Variants in KCNH1 observed in about 807,000 individuals in gnomAD.
KCNH1 encodes potassium voltage-gated channel subfamily H member 1.
A neutral mutation model predicts 69.2 loss-of-function variants in KCNH1; 27 were observed. The ratio of observed to expected loss-of-function variants is 0.39; its 90% CI spans 0.29 to 0.54. The LOEUF (loss-of-function observed/expected upper bound fraction) is 0.54, where lower values mean the gene tolerates loss of function less well. KCNH1 is among the 20% of genes least tolerant of loss of function. The pLI, the probability that KCNH1 is intolerant of heterozygous loss-of-function variation, is 0.68. For missense variants in KCNH1, 798 were observed against 1,261.6 expected (o/e 0.63, Z 5.57); for synonymous variants, 456 against 487.7 (o/e 0.93, Z 0.86).
chr1:210,726,661 G>A (rs1002082781), intron 10 of KCNH1, among the ~76,000 whole-genome samples: 1 of 152,198 alleles, frequency 6.6e-6, no homozygotes, highest in Non-Finnish European at 1.5e-5. Context: ...CTCAGATGCA[G>A]GATCAGGTAA....
At position 210,679,217 on chromosome 1, in the gene KCNH1, A is replaced by T. The variant is rs1681207365; in HGVS notation, c.*4064T>A. 6.6e-6 allele frequency: 1 copy of T among 152,168 alleles called. No individual in the cohort carries two copies. The highest frequency in any genetic ancestry group is 1.5e-5 in the Non-Finnish European group (1 of 68,036). 9.4% of individuals were successfully genotyped at this position (152,168 alleles called of 1,614,324 possible). ...AAGCGAGTGAGAAGGCAGTATATAG[A>T]GCAATAACAATGATTTAGCAACAGA... is the stretch of plus-strand genomic sequence containing the variant. On this transcript the variant is annotated 3_prime_UTR_variant, in exon 11 of 11. Transcript: ENST00000271751.
intron 6 of KCNH1, among the ~76,000 whole-genome samples, chr1:211,004,089 C>G (rs1043328496): frequency 4.6e-5 from 7 of 151,814 alleles, no homozygotes; most frequent in Admixed American, 4.6e-4. Context: ...GAGACTCTGT[C>G]TCAAAAAAGA....
intron 7 of KCNH1, among the ~76,000 whole-genome samples, chr1:210,805,642 T>C (rs888355067): frequency 6.6e-6 from 1 of 152,196 alleles, no homozygotes; most frequent in African/African-American, 2.4e-5. Context: ...AAGTACAAAA[T>C]TCAATGGTCT....
At chr1:210,861,664 T>A in intron 7 of KCNH1, 1 of 772,396 alleles carries the variant, frequency 1.3e-6, no homozygotes, top group East Asian at 2.4e-5. Flanking sequence ...CTGAACAAGA[T>A]CATAGAAGAT....
chr1:210,788,307 TAC>T (rs1684140258), intron 9 of KCNH1, among the ~76,000 whole-genome samples: 1 of 152,232 alleles, frequency 6.6e-6, no homozygotes, highest in Non-Finnish European at 1.5e-5. Context: ...TAGTTAAGGT[TAC>T]TCTATATATA....
At chr1:210,840,287 C>CA (rs959610945) in intron 7 of KCNH1, among the ~76,000 whole-genome samples, 7 of 150,476 alleles carry the variant, frequency 4.7e-5, no homozygotes, top group East Asian at 1.9e-4. Flanking sequence ...CAAAACAAAA[C>CA]AAAAAAATAA....
intron 7 of KCNH1, among the ~76,000 whole-genome samples, chr1:210,894,502 A>G (rs986321460): frequency 5.9e-5 from 9 of 152,104 alleles, no homozygotes; most frequent in African/African-American, 1.4e-4. Context: ...TTAGTTATCT[A>G]TTGAAGGCTT....
At chr1:210,694,784 A>G (rs145566853) in intron 10 of KCNH1, among the ~76,000 whole-genome samples, 33 of 152,258 alleles carry the variant, frequency 2.2e-4, no homozygotes, top group African/African-American at 7.5e-4. Flanking sequence ...CCAAAACTTC[A>G]TTACACAAGG....
chr1:210,859,355 C>T (rs1685924440), intron 7 of KCNH1: 1 of 1,517,054 alleles, frequency 6.6e-7, no homozygotes, highest in Non-Finnish European at 9.2e-7. Flanking sequence ...TGAGTCAGAC[C>T]CTGATCCCAC....
chr1:210,727,299 T>C (rs1177144196), intron 10 of KCNH1, among the ~76,000 whole-genome samples: 1 of 152,206 alleles, frequency 6.6e-6, no homozygotes, highest in Admixed American at 6.5e-5. Flanking sequence ...TATTTGACAG[T>C]TCTAATGTGC....
chr1:211,029,055 G>C (rs114486495), intron 5 of KCNH1, among the ~76,000 whole-genome samples: 103 of 151,396 alleles, frequency 6.8e-4, no homozygotes, highest in Admixed American at 1.2e-3. Context: ...ATGAGGCCAG[G>C]CATGGTGGCT....
chr1:210,836,350 A>G (rs1361230933), intron 7 of KCNH1, among the ~76,000 whole-genome samples: 1 of 152,132 alleles, frequency 6.6e-6, no homozygotes, highest in African/African-American at 2.4e-5. Flanking sequence ...AATTTAAGAG[A>G]TTGCACAGAA....
At chr1:210,907,529 GA>G (rs36116141) in intron 7 of KCNH1, among the ~76,000 whole-genome samples, 86 of 143,544 alleles carry the variant, frequency 6.0e-4, no homozygotes, top group South Asian at 6.7e-4. Flanking sequence ...GGACTGGGAA[GA>G]AAAAAAAAAA....
At chr1:210,684,169 C>G (rs769624582) in intron 10 of KCNH1, 31 bp from the exon 11 acceptor site, 2 of 1,487,044 alleles carry the variant, frequency 1.3e-6, no homozygotes, top group Non-Finnish European at 1.8e-6. Context: ...AATGACATGG[C>G]GTGTTAGCCA....
At chr1:210,726,158 C>T (rs1000642412) in intron 10 of KCNH1, among the ~76,000 whole-genome samples, 1 of 152,088 alleles carries the variant, frequency 6.6e-6, no homozygotes, top group Non-Finnish European at 1.5e-5. Flanking sequence ...TAGAGTCTCC[C>T]CGGAAGAGGC....
chr1:210,880,444 G>C (rs535870037), intron 7 of KCNH1, among the ~76,000 whole-genome samples: 1 of 152,146 alleles, frequency 6.6e-6, no homozygotes, highest in African/African-American at 2.4e-5. Context: ...TACAAATATA[G>C]TTAATTGATC....
chr1:210,683,614 C>T lies in KCNH1; in HGVS notation c.2637G>A (p.Ser879=), dbSNP rs747551877. ...SGEATLKKTD[S]CDSGITKSDL... is the part of the protein sequence containing the mutation. ...CGCTCTTGGTGATGCCACTGTCACA[C>T]GAGTCTGTCTTCTTCAGTGTGGCCT... Residue 879 remains serine, a synonymous_variant, in exon 11 of 11, where the codon TCG becomes TCA. Coordinates refer to ENST00000271751, the MANE Select transcript of KCNH1 (RefSeq NM_172362.3). The surrounding 1 kb of genome is among the most constrained non-coding windows in gnomAD (Gnocchi z 5.7). 1.2e-5 allele frequency: 19 copies of T among 1,614,106 alleles called. No individual in the cohort carries two copies. Among genetic ancestry groups the T allele is most frequent in the African/African-American group, 5.3e-5 (4 of 74,938 alleles).
rs148305459 is a variant in KCNH1, at chr1:210,834,945, T to C, written c.1463-30779A>G. On this transcript the variant is annotated intron_variant, in intron 7 of 10. Transcript: ENST00000271751. ...TTCTATTGTTTGCTATAGTAAACTA[T>C]AGCTAAGACAGCTACCTTGTATGGC... Among the ~76,000 whole-genome samples the C allele has an allele frequency of 3.0e-3, 458 of 152,294 alleles. 3 individuals are homozygous for C. The highest frequency in any genetic ancestry group is 0.01 in the African/African-American group (434 of 41,568).
chr1:210,936,240 C>T (rs1477507211), intron 6 of KCNH1, among the ~76,000 whole-genome samples: 1 of 152,220 alleles, frequency 6.6e-6, no homozygotes, highest in African/African-American at 2.4e-5. Context: ...TCTTTCCCTG[C>T]ATCCTTCTCC....
Sources: allele counts gnomAD v4.1 joint callset (sites outside exome capture counted in the v4.1 genomes callset), GRCh38; gene constraint gnomAD v4.1.1; non-coding constraint Gnocchi (gnomAD v3.1); transcripts MANE v1.5; gene names NCBI Gene and HGNC (gene_info 2026-07-23, HGNC 2026-07-21).